CCNY: variants seen among roughly 807,000 people sequenced by gnomAD.
The protein encoded by CCNY is cyclin Y, also known as cyclin-Y.
In CCNY, 19 loss-of-function variants were observed where a neutral mutation model predicts 42.8. The ratio of observed to expected loss-of-function variants is 0.44; its 90% CI spans 0.31 to 0.65. The LOEUF (loss-of-function observed/expected upper bound fraction) is 0.65, where lower values mean the gene tolerates loss of function less well. CCNY is among the 30% of genes least tolerant of loss of function. The probability of loss-of-function intolerance (pLI) is 0.07; values close to 1 mark genes in which losing one functional copy is unlikely to be tolerated. For synonymous variants in CCNY, 165 were observed against 162.7 expected, an observed-to-expected ratio of 1.01 and a Z score of -0.11; for missense variants, 370 against 437.3, an observed-to-expected ratio of 0.85 and a Z score of 1.37.
intron 3 of CCNY, among the ~76,000 whole-genome samples, chr10:35,326,197 G>T (rs1402211359): frequency 2.0e-5 from 3 of 152,144 alleles, no homozygotes; most frequent in Non-Finnish European, 4.4e-5. Context: ...CATCCAGGTG[G>T]AGTGCAGTGG....
At chr10:35,406,136 C>G (rs993262451) in intron 1 of CCNY, among the ~76,000 whole-genome samples, 2 of 149,746 alleles carry the variant, frequency 1.3e-5, no homozygotes, top group African/African-American at 2.5e-5. Flanking sequence ...TAATTAAGTC[C>G]TGTTGTGGGG....
chr10:35,434,477 A>G (rs1337612316), intron 1 of CCNY, among the ~76,000 whole-genome samples: 1 of 152,228 alleles, frequency 6.6e-6, no homozygotes, highest in Non-Finnish European at 1.5e-5. Flanking sequence ...CACATATATG[A>G]TTTTATGATT....
At chr10:35,457,152 T>C (rs1839054950) in intron 1 of CCNY, among the ~76,000 whole-genome samples, 1 of 152,254 alleles carries the variant, frequency 6.6e-6, no homozygotes, top group Admixed American at 6.5e-5. Flanking sequence ...GTATAACCTT[T>C]AAAAATCTTA....
At chr10:35,434,996 C>G (rs1838497089) in intron 1 of CCNY, among the ~76,000 whole-genome samples, 1 of 152,156 alleles carries the variant, frequency 6.6e-6, no homozygotes, top group Admixed American at 6.5e-5. Context: ...AGATGATGGA[C>G]TGGTGAAGAA....
intron 4 of CCNY, among the ~76,000 whole-genome samples, chr10:35,517,718 C>T (rs1840458848): frequency 6.6e-6 from 1 of 152,212 alleles, no homozygotes; most frequent in African/African-American, 2.4e-5. Flanking sequence ...CTCTTCCTTA[C>T]TTCCTCAGCA....
At chr10:35,428,698 G>C (rs1310001724) in intron 1 of CCNY, among the ~76,000 whole-genome samples, 1 of 152,164 alleles carries the variant, frequency 6.6e-6, no homozygotes, top group Non-Finnish European at 1.5e-5. Context: ...TATGTGGGGA[G>C]GAGTTGTGGT....
At chr10:35,399,967 A>G (rs1837609358) in intron 1 of CCNY, among the ~76,000 whole-genome samples, 1 of 152,160 alleles carries the variant, frequency 6.6e-6, no homozygotes, top group African/African-American at 2.4e-5. Flanking sequence ...TTCTGTTGAC[A>G]TGGAAGGCTA....
intron 7 of CCNY, among the ~76,000 whole-genome samples, chr10:35,548,115 A>C (rs1841155731): frequency 6.6e-6 from 1 of 152,076 alleles, no homozygotes; most frequent in African/African-American, 2.4e-5. Context: ...CCCAAAACTT[A>C]ATAGCCTACT....
At position 35,430,210 on chromosome 10, in the gene CCNY, G is replaced by A. The variant is rs1480817058; in HGVS notation, c.155-53194G>A. Among the ~76,000 whole-genome samples the A allele has an allele frequency of 4.7e-5, 7 of 150,114 alleles. No homozygotes were observed. The East Asian group carries it at 5.8e-4, about 13-fold the overall frequency. Reference sequence around the variant, plus strand: ...AAATTAGCCGGGCGTAGTGGCGGGCGCCTGTAGTCCCAGCTACTTGGGAGG... The same window carrying A: ...AAATTAGCCGGGCGTAGTGGCGGGCACCTGTAGTCCCAGCTACTTGGGAGG... On this transcript the variant is annotated intron_variant, in intron 1 of 9. Coordinates refer to ENST00000374704, the MANE Select transcript of CCNY (RefSeq NM_145012.6).
At chr10:35,562,304 T>C (rs1289328602) in intron 8 of CCNY, among the ~76,000 whole-genome samples, 1 of 152,252 alleles carries the variant, frequency 6.6e-6, no homozygotes, top group African/African-American at 2.4e-5. Flanking sequence ...TTTTAAATTG[T>C]AGTAAAATGT....
intron 1 of CCNY, among the ~76,000 whole-genome samples, chr10:35,380,748 G>T (rs764561067): frequency 2.6e-5 from 4 of 152,162 alleles, no homozygotes; most frequent in Non-Finnish European, 5.9e-5. Context: ...CTCCCAGTCC[G>T]CAGCCAGCCG....
At chr10:35,430,660 C>T (rs1838371319) in intron 1 of CCNY, among the ~76,000 whole-genome samples, 1 of 152,002 alleles carries the variant, frequency 6.6e-6, no homozygotes, top group South Asian at 2.1e-4. Flanking sequence ...TTTCAATGTC[C>T]ATTGGAATTG....
At chr10:35,546,394 T>C (rs1385717674) in intron 7 of CCNY, among the ~76,000 whole-genome samples, 1 of 152,248 alleles carries the variant, frequency 6.6e-6, no homozygotes, top group African/African-American at 2.4e-5. Context: ...CTCATTAACC[T>C]GTGGTTTCCA....
intron 9 of CCNY, among the ~76,000 whole-genome samples, chr10:35,566,945 C>T (rs371283763): frequency 6.6e-6 from 1 of 152,096 alleles, no homozygotes; most frequent in Non-Finnish European, 1.5e-5. Context: ...AACTCCTGAC[C>T]TTGTGATCTG....
Position 35,567,145 on chromosome 10 carries a change from A to G in CCNY, c.909+960A>G, listed in dbSNP as rs181943676. ...CTCAGCATGCGCTTTCATAGGAAAA[A>G]GCTGCCAAATGATATTAACAATTGG... is the stretch of plus-strand genomic sequence containing the variant. On this transcript the variant is annotated intron_variant, in intron 9 of 9. Coordinates refer to ENST00000374704, the MANE Select transcript of CCNY (RefSeq NM_145012.6). Among the ~76,000 whole-genome samples the G allele has an allele frequency of 2.9e-4, 44 of 152,362 alleles. No individual in the cohort carries two copies. In the East Asian group the frequency reaches 6.7e-3, roughly 23 times the overall value.
intron 8 of CCNY, among the ~76,000 whole-genome samples, chr10:35,564,830 C>T (rs1841536685): frequency 1.3e-5 from 2 of 152,338 alleles, no homozygotes; most frequent in Middle Eastern, 3.4e-3. Context: ...TGTGGGAAGC[C>T]TTCTGAGATC....
chr10:35,407,910 A>G (rs1224426098), intron 1 of CCNY, among the ~76,000 whole-genome samples: 1 of 152,196 alleles, frequency 6.6e-6, no homozygotes, highest in Non-Finnish European at 1.5e-5. Flanking sequence ...GTGGGTGAAT[A>G]ATCAGAGAGG....
intron 1 of CCNY, among the ~76,000 whole-genome samples, chr10:35,450,086 T>C (rs1439143275): frequency 6.6e-6 from 1 of 151,860 alleles, no homozygotes; most frequent in East Asian, 1.9e-4. Flanking sequence ...AGGGAGCCAA[T>C]ATGACTACAA....
At chr10:35,517,806 C>T (rs1266803076) in intron 4 of CCNY, among the ~76,000 whole-genome samples, 1 of 152,228 alleles carries the variant, frequency 6.6e-6, no homozygotes, top group African/African-American at 2.4e-5. Flanking sequence ...AGCTCCACCA[C>T]GCATGCCCTT....
Sources: allele counts gnomAD v4.1 joint callset (sites outside exome capture counted in the v4.1 genomes callset), GRCh38; gene constraint gnomAD v4.1.1; transcripts MANE v1.5; gene names NCBI Gene and HGNC (gene_info 2026-07-23, HGNC 2026-07-21).